The following PRKD1 variants were observed in gnomAD, a reference collection of about 807,000 sequenced individuals.
PRKD1 encodes protein kinase D1, also known as serine/threonine-protein kinase D1.
In PRKD1, 63 loss-of-function variants were observed where a neutral mutation model predicts 95.9. That is an observed-to-expected ratio of 0.66 (90% CI 0.54 to 0.81). The LOEUF (loss-of-function observed/expected upper bound fraction) is 0.81, where lower values mean the gene tolerates loss of function less well. PRKD1 is among the 30% of genes least tolerant of loss of function. PRKD1 has a pLI of 0.00. For missense variants in PRKD1, 1,048 were observed against 1,165.3 expected, an observed-to-expected ratio of 0.90 and a Z score of 1.47; for synonymous variants, 425 against 423.1, an observed-to-expected ratio of 1.00 and a Z score of -0.05.
chr14:29,598,416 T>A (rs1458821265), intron 15 of PRKD1, among the ~76,000 whole-genome samples: 1 of 152,068 alleles, frequency 6.6e-6, no homozygotes, highest in Non-Finnish European at 1.5e-5. Context: ...TAATATTGTA[T>A]ACAAGGCAGG....
intron 2 of PRKD1, among the ~76,000 whole-genome samples, chr14:29,709,570 G>T (rs1211773769): frequency 6.6e-6 from 1 of 152,128 alleles, no homozygotes; most frequent in Non-Finnish European, 1.5e-5. Flanking sequence ...TTTATTACAA[G>T]AAATTGGCTC....
intron 1 of PRKD1, among the ~76,000 whole-genome samples, chr14:29,874,817 CAG>C (rs1893230036): frequency 6.6e-6 from 1 of 152,068 alleles, no homozygotes. Flanking sequence ...AATAGAATGA[CAG>C]ATAGATCAGA....
At chr14:29,584,137 A>G (rs896118298) in intron 16 of PRKD1, among the ~76,000 whole-genome samples, 16 of 152,332 alleles carry the variant, frequency 1.1e-4, no homozygotes, top group African/African-American at 3.8e-4. Context: ...TCTAATATGA[A>G]AAGAAGCATT....
chr14:29,848,983 A>T (rs1418433972), intron 1 of PRKD1, among the ~76,000 whole-genome samples: 2 of 151,936 alleles, frequency 1.3e-5, no homozygotes, highest in African/African-American at 4.8e-5. Context: ...ACAAAGATGT[A>T]ACATTACAAC....
At position 29,638,335 on chromosome 14, in the gene PRKD1, A is replaced by G. The variant is rs1294249312; in HGVS notation, c.985+154T>C. 2.0e-5 allele frequency: 14 copies of G among 699,584 alleles called. No homozygotes were observed. The East Asian group carries it at 3.3e-4, about 16-fold the overall frequency. 43.3% of individuals were successfully genotyped at this position (699,584 alleles called of 1,614,324 possible). A position where few individuals can be genotyped will look rare whatever the true frequency, so the allele number is the denominator to read the frequency against. ...ATCAAAACTCCATGGATGCTTTTCT[A>G]TTGTAAAGTAGAACAAACACTGGCC... On this transcript the variant is annotated intron_variant, in intron 6 of 17. Transcript: ENST00000331968.
At chr14:29,796,205 A>G (rs1437504491) in intron 1 of PRKD1, among the ~76,000 whole-genome samples, 1 of 152,194 alleles carries the variant, frequency 6.6e-6, no homozygotes, top group East Asian at 1.9e-4. Flanking sequence ...AAAATTATGT[A>G]AATATGCATG....
At chr14:29,755,245 A>G (rs1225705190) in intron 1 of PRKD1, among the ~76,000 whole-genome samples, 2 of 152,002 alleles carry the variant, frequency 1.3e-5, no homozygotes, top group Non-Finnish European at 2.9e-5. Flanking sequence ...TCCCATTCTG[A>G]TCCTTCCATT....
chr14:29,804,840 C>A (rs1046190527), intron 1 of PRKD1, among the ~76,000 whole-genome samples: 1 of 152,038 alleles, frequency 6.6e-6, no homozygotes, highest in Non-Finnish European at 1.5e-5. Context: ...TCCCAGTAGA[C>A]CTAAGCCGTA....
At chr14:29,680,063 C>T (rs1566534883) in intron 2 of PRKD1, among the ~76,000 whole-genome samples, 1 of 152,158 alleles carries the variant, frequency 6.6e-6, no homozygotes, top group Non-Finnish European at 1.5e-5. Flanking sequence ...GTGGTAAAGA[C>T]TGTGGTTCAG....
intron 1 of PRKD1, among the ~76,000 whole-genome samples, chr14:29,926,734 G>A (rs1235708712): frequency 2.0e-5 from 3 of 152,128 alleles, no homozygotes; most frequent in Non-Finnish European, 2.9e-5. Flanking sequence ...TTGGGTACCT[G>A]CACTCCTGGT....
At chr14:29,634,953 G>A (rs1303957148) in intron 7 of PRKD1, among the ~76,000 whole-genome samples, 1 of 151,878 alleles carries the variant, frequency 6.6e-6, no homozygotes, top group Non-Finnish European at 1.5e-5. Flanking sequence ...AGAATTGCTT[G>A]AACTCGGGAG....
At chr14:29,866,498 A>G (rs1020783833) in intron 1 of PRKD1, among the ~76,000 whole-genome samples, 3 of 152,210 alleles carry the variant, frequency 2.0e-5, no homozygotes, top group Non-Finnish European at 4.4e-5. Context: ...AAACTATTAC[A>G]CACTCAAGGT....
At chr14:29,766,998 CT>C (rs1291969676) in intron 1 of PRKD1, among the ~76,000 whole-genome samples, 1 of 152,074 alleles carries the variant, frequency 6.6e-6, no homozygotes, top group Non-Finnish European at 1.5e-5. Context: ...TTATGACACA[CT>C]CTCAAAAAAG....
chr14:29,835,810 C>T (rs1022670831), intron 1 of PRKD1, among the ~76,000 whole-genome samples: 1 of 151,968 alleles, frequency 6.6e-6, no homozygotes, highest in African/African-American at 2.4e-5. Context: ...ACCTCATGAT[C>T]CTCCCGCCTC....
chr14:29,895,240 C>A (rs1057026606), intron 1 of PRKD1, among the ~76,000 whole-genome samples: 4 of 152,082 alleles, frequency 2.6e-5, no homozygotes, highest in Admixed American at 2.6e-4. Flanking sequence ...TCGCTTGAAC[C>A]CGGGAGGCAG....
At chr14:29,781,241 A>G (rs973467607) in intron 1 of PRKD1, among the ~76,000 whole-genome samples, 4 of 152,154 alleles carry the variant, frequency 2.6e-5, no homozygotes, top group Non-Finnish European at 5.9e-5. Flanking sequence ...ATACAAATGT[A>G]ACAAACCTGC....
intron 12 of PRKD1, among the ~76,000 whole-genome samples, chr14:29,624,531 T>A (rs1322630918): frequency 2.0e-5 from 3 of 152,154 alleles, no homozygotes; most frequent in Non-Finnish European, 4.4e-5. Context: ...ATAAAATATA[T>A]GTTTTAGAAA....
At chr14:29,779,868 T>C (rs950719741) in intron 1 of PRKD1, among the ~76,000 whole-genome samples, 12 of 152,062 alleles carry the variant, frequency 7.9e-5, no homozygotes, top group African/African-American at 1.9e-4. Flanking sequence ...GGAGGCATCA[T>C]GCTACCTGAC....
intron 1 of PRKD1, among the ~76,000 whole-genome samples, chr14:29,899,623 G>A (rs962740566): frequency 6.6e-6 from 1 of 152,040 alleles, no homozygotes. Context: ...CTCCATACTG[G>A]GTAACAGAGA....
Sources: gnomAD v4.1 joint callset for allele counts (sites outside exome capture counted in the v4.1 genomes callset) on GRCh38, gnomAD v4.1.1 for gene constraint, MANE v1.5 for transcripts, NCBI Gene and HGNC (gene_info 2026-07-23, HGNC 2026-07-21) for gene names.